The following SLC22A23 variants were observed in gnomAD, a reference collection of about 807,000 sequenced individuals.
The protein encoded by SLC22A23 is ion transporter protein.
SLC22A23 carries 26 observed loss-of-function variants against 61.0 expected under a neutral mutation model. The observed-to-expected ratio is 0.43, with a 90% CI of 0.31 to 0.59. The LOEUF (loss-of-function observed/expected upper bound fraction) is 0.59, where lower values mean the gene tolerates loss of function less well. SLC22A23 is among the 20% of genes least tolerant of loss of function. SLC22A23 has a pLI of 0.11. For missense variants in SLC22A23, 796 were observed against 934.7 expected, an observed-to-expected ratio of 0.85 and a Z score of 1.94; for synonymous variants, 430 against 413.9, an observed-to-expected ratio of 1.04 and a Z score of -0.47.
chr6:3,431,719 G>A (rs1770876693), intron 1 of SLC22A23, among the ~76,000 whole-genome samples: 1 of 152,170 alleles, frequency 6.6e-6, no homozygotes, highest in Non-Finnish European at 1.5e-5. Context: ...AAATAGCTAG[G>A]GACAATATGA....
chr6:3,335,422 A>T (rs1227319152), intron 3 of SLC22A23, among the ~76,000 whole-genome samples: 1 of 152,124 alleles, frequency 6.6e-6, no homozygotes, highest in Admixed American at 6.5e-5. Flanking sequence ...GAGGACTCTA[A>T]CACTACAGAA....
At chr6:3,393,445 T>C in intron 3 of SLC22A23, among the ~76,000 whole-genome samples, 1 of 152,212 alleles carries the variant, frequency 6.6e-6, no homozygotes, top group Non-Finnish European at 1.5e-5. Flanking sequence ...AAGCACTCAA[T>C]AGCACACGTG....
intron 1 of SLC22A23, among the ~76,000 whole-genome samples, chr6:3,452,127 G>T (rs1772179888): frequency 6.6e-6 from 1 of 152,308 alleles, no homozygotes; most frequent in Admixed American, 6.5e-5. Context: ...AGCATATTCA[G>T]TAGGTTAGGT....
At chr6:3,432,967 G>T (rs1077845) in intron 1 of SLC22A23, among the ~76,000 whole-genome samples, 45,898 of 152,044 alleles carry the variant, frequency 0.3, 8,107 homozygotes, top group East Asian at 0.48. Flanking sequence ...CCCTTCCTTG[G>T]CTTGAAACCC....
chr6:3,282,523 A>G (rs1759563560), intron 9 of SLC22A23, among the ~76,000 whole-genome samples: 1 of 152,230 alleles, frequency 6.6e-6, no homozygotes, highest in Admixed American at 6.5e-5. Flanking sequence ...GGACCTGCCT[A>G]CTTGCTCCCA....
intron 3 of SLC22A23, among the ~76,000 whole-genome samples, chr6:3,403,567 C>T (rs763352665): frequency 4.6e-5 from 7 of 152,120 alleles, no homozygotes; most frequent in Non-Finnish European, 8.8e-5. Flanking sequence ...CTTTATAGAT[C>T]GGCACTGGCG....
intron 3 of SLC22A23, among the ~76,000 whole-genome samples, chr6:3,336,093 A>AAT (rs1368501252): frequency 6.6e-6 from 1 of 152,014 alleles, no homozygotes; most frequent in Non-Finnish European, 1.5e-5. Context: ...CATCTCAAAA[A>AAT]AAAAAAAAGA....
rs1048055037 is a variant in SLC22A23, at chr6:3,324,978, G to C, written c.914-976C>G. On this transcript the variant is annotated intron_variant, in intron 3 of 9. Coordinates refer to ENST00000406686, the MANE Select transcript of SLC22A23 (RefSeq NM_015482.2). This position sits in a 1 kb window ranked among gnomAD's most constrained non-coding sequence, Gnocchi z 4.3. The stretch of plus-strand genomic sequence containing the variant: ...GCCCTTTATAGTAGAAAAAGCAGCT[G>C]GGTTTTATATATATTATTTTCCCTA... Among the ~76,000 whole-genome samples the C allele has an allele frequency of 1.3e-5, 2 of 152,120 alleles. No homozygotes were observed. The highest frequency in any genetic ancestry group is 4.8e-5 in the African/African-American group (2 of 41,402).
chr6:3,298,833 G>A lies in SLC22A23; in HGVS notation c.1083-615C>T, dbSNP rs554830865. Among the ~76,000 whole-genome samples, 14 of 151,696 alleles carry A rather than the reference G, an allele frequency of 9.2e-5. No individual in the cohort carries two copies. The East Asian group carries it at 2.5e-3, about 27-fold the overall frequency. ...TAAAAATACAAAAAATTAGCCGGGC[G>A]CAGTGGCGGGCGCCTGTAGTCCCAG... On this transcript the variant is annotated intron_variant, in intron 4 of 9. Coordinates refer to ENST00000406686, the MANE Select transcript of SLC22A23 (RefSeq NM_015482.2).
intron 3 of SLC22A23, among the ~76,000 whole-genome samples, chr6:3,344,774 T>C (rs1764330548): frequency 2.0e-5 from 3 of 152,224 alleles, no homozygotes; most frequent in Admixed American, 6.5e-5. Context: ...TTTTGGTCCT[T>C]ATAATTTCAG....
chr6:3,289,818 T>C lies in SLC22A23; in HGVS notation c.1259A>G (p.Lys420Arg). ...SRRPKKVCIVKVVGTRNLWKN... is the reference protein window; with the variant it reads ...SRRPKKVCIVRVVGTRNLWKN... ...CCACAGGTTCCGTGTCCCCACCACC[T>C]TCACGATGCAGACCTTCTTGGGCCT... Residue 420 changes from lysine to arginine, a missense_variant, in exon 6 of 10, where the codon AAG becomes AGG. Lys to Arg is a conservative substitution (Grantham distance 26). Coordinates refer to ENST00000406686, the MANE Select transcript of SLC22A23 (RefSeq NM_015482.2). 1 of 1,613,954 alleles carries C rather than the reference T, an allele frequency of 6.2e-7. No homozygotes were observed.
At position 3,308,353 on chromosome 6, in the gene SLC22A23, C is replaced by T. The variant is rs928162833; in HGVS notation, c.1083-10135G>A. 2.0e-5 allele frequency among the ~76,000 whole-genome samples: 3 copies of T among 152,170 alleles called. No individual in the cohort carries two copies. The highest frequency in any genetic ancestry group is 4.8e-5 in the African/African-American group (2 of 41,432). On this transcript the variant is annotated intron_variant, in intron 4 of 9. Transcript: ENST00000406686. The surrounding 1 kb of genome is among the most constrained non-coding windows in gnomAD (Gnocchi z 5.1). ...CCAAATCGTATTCAGGGCGCTGACA[C>T]GCACCTGCATCTCCAGGTGCCGCCT...
intron 3 of SLC22A23, among the ~76,000 whole-genome samples, chr6:3,365,553 G>C (rs756373502): frequency 1.3e-5 from 2 of 152,082 alleles, no homozygotes; most frequent in Non-Finnish European, 2.9e-5. Context: ...AGCAGTGGGC[G>C]GACCTGATGC....
chr6:3,334,159 GTTTTTATT>G (rs1763724011), intron 3 of SLC22A23, among the ~76,000 whole-genome samples: 1 of 152,132 alleles, frequency 6.6e-6, no homozygotes, highest in African/African-American at 2.4e-5. Context: ...GATGTTGGCT[GTTTTTATT>G]TTTTTATTTT....
At chr6:3,283,468 G>C (rs1759670263) in intron 9 of SLC22A23, 1 of 278,282 alleles carries the variant, frequency 3.6e-6, no homozygotes, top group Non-Finnish European at 7.2e-6. Context: ...TCTACTTTGT[G>C]AAACATTTTG....
chr6:3,399,312 TG>T (rs1168850216), intron 3 of SLC22A23, among the ~76,000 whole-genome samples: 1 of 152,238 alleles, frequency 6.6e-6, no homozygotes, highest in African/African-American at 2.4e-5. Flanking sequence ...ACATGGATTT[TG>T]GGCCAGCAAT....
intron 3 of SLC22A23, among the ~76,000 whole-genome samples, chr6:3,353,331 C>A (rs1434649712): frequency 6.6e-6 from 1 of 152,184 alleles, no homozygotes; most frequent in Non-Finnish European, 1.5e-5. Flanking sequence ...ACAGCCAGCT[C>A]CCCAATGAAG....
In SLC22A23 at chr6:3,303,847, C is replaced by T. The variant is rs1480653211; in HGVS notation, c.1083-5629G>A. ...AGTTTCAAATATCGAATGTTCCCAA[C>T]ACAAAGAAATGATAAACGTTTGAGA... is the stretch of plus-strand genomic sequence containing the variant. On this transcript the variant is annotated intron_variant, in intron 4 of 9. Transcript: ENST00000406686. Among the ~76,000 whole-genome samples, 5 of 152,284 alleles carry T rather than the reference C, an allele frequency of 3.3e-5. No individual in the cohort carries two copies. The East Asian group carries it at 9.6e-4, about 29-fold the overall frequency.
At chr6:3,445,265 C>A (rs552753838) in intron 1 of SLC22A23, among the ~76,000 whole-genome samples, 1 of 152,094 alleles carries the variant, frequency 6.6e-6, no homozygotes, top group Non-Finnish European at 1.5e-5. Context: ...ATGGCGCCAT[C>A]TTGGCTCACT....
Sources: gnomAD v4.1 joint callset for allele counts (sites outside exome capture counted in the v4.1 genomes callset) on GRCh38, gnomAD v4.1.1 for gene constraint, Gnocchi (gnomAD v3.1) non-coding constraint, MANE v1.5 for transcripts, NCBI Gene and HGNC (gene_info 2026-07-23, HGNC 2026-07-21) for gene names.